MAN2C1: variants seen among roughly 807,000 people sequenced by gnomAD.
MAN2C1 encodes the protein alpha-mannosidase 2C1.
Under a neutral mutation model 126.9 loss-of-function variants are expected in MAN2C1, and 111 were observed. That is an observed-to-expected ratio of 0.87 (90% confidence interval 0.75 to 1.02). The LOEUF (loss-of-function observed/expected upper bound fraction) is 1.02. Among genes scored for constraint, MAN2C1 ranks in the 50% least tolerant of loss-of-function variants. The probability of loss-of-function intolerance (pLI) is 0.00; values close to 1 mark genes in which losing one functional copy is unlikely to be tolerated. For missense variants in MAN2C1, 1,363 were observed against 1,364.4 expected (o/e 1.00, Z 0.02); for synonymous variants, 567 against 561.5 (o/e 1.01, Z -0.14).
In MAN2C1 at chr15:75,359,330, C is replaced by T. The variant is rs1181570432; in HGVS notation, c.2044G>A (p.Glu682Lys). ...CCCCCAGGGCATGCAGGACTCACCT[C>T]TTGCACTACGAACACAGGCTGCTGG... ...LPQQPVFVVQ[E>K]TDGSVTLDNG... is the part of the protein sequence containing the mutation. The change falls in exon 17 of 26, where the codon GAG (glutamate) becomes AAG (lysine). Residue 682 changes from glutamate (E) to lysine (K), a missense_variant and splice_region_variant. By Grantham distance (56) the Glu-to-Lys change is moderately conservative. Around this residue, in one of 3 missense-constraint regions of MAN2C1, gnomAD observed 668 missense variants for 650.1 expected, o/e 1.03. Coordinates refer to ENST00000267978, the MANE Select transcript of MAN2C1 (RefSeq NM_006715.4). 1 of 1,590,966 alleles carries T rather than the reference C, an allele frequency of 6.3e-7. No homozygotes were observed. Among genetic ancestry groups the T allele is most frequent in the Admixed American group, 1.7e-5 (1 of 58,124 alleles).
At position 75,359,614 on chromosome 15, in the gene MAN2C1, T is replaced by C. The variant is rs778268325; in HGVS notation, c.1948+6A>G. On this transcript the variant is annotated splice_donor_region_variant and intron_variant, in intron 16 of 25. Transcript: ENST00000267978. ...TGCAGTAGCAACCCTTCCCCTCAGCTCGTACCTAGGCTGTGGGCCCCGCCC... is the reference window on the plus strand; with the variant it reads ...TGCAGTAGCAACCCTTCCCCTCAGCCCGTACCTAGGCTGTGGGCCCCGCCC... 1 of 1,613,638 alleles carries C rather than the reference T, an allele frequency of 6.2e-7. No individual in the cohort carries two copies. Among genetic ancestry groups the C allele is most frequent in the Non-Finnish European group, 8.5e-7 (1 of 1,179,856 alleles).
intron 6 of MAN2C1, chr15:75,363,045 G>C (rs141534407): frequency 4.8e-6 from 2 of 418,894 alleles, no homozygotes; most frequent in South Asian, 2.0e-5. Flanking sequence ...GATCCTACGA[G>C]AAGTAGCAGG....
intron 6 of MAN2C1, chr15:75,363,144 T>C: frequency 2.2e-6 from 1 of 457,002 alleles, no homozygotes; most frequent in Non-Finnish European, 4.4e-6. Flanking sequence ...CCAGAGGTGC[T>C]ACAGCCTCTC....
In MAN2C1 at chr15:75,362,320, TGAG is replaced by T. The variant is rs770097220; in HGVS notation, c.1008+20_1008+22del. On this transcript the variant is annotated intron_variant, in intron 8 of 25. Transcript: ENST00000267978. The surrounding 1 kb of genome is among the most constrained non-coding windows in gnomAD (Gnocchi z 4.5). The stretch of plus-strand genomic sequence containing the variant: ...AGGCTGTTGTCATACAGTTCAAGGC[TGAG>T]GAGTGCCCAGTGCACTTACCATCTC... The T allele has an allele frequency of 2.5e-6, 4 of 1,602,478 alleles. No homozygotes were observed. In the African/African-American group the frequency reaches 4.0e-5, roughly 16 times the overall value.
chr15:75,359,041 G>A lies in MAN2C1; in HGVS notation c.2141+18C>T, dbSNP rs771227064. 2 of 1,613,266 alleles carry A rather than the reference G, an allele frequency of 1.2e-6. No homozygotes were observed. Among genetic ancestry groups the A allele is most frequent in the East Asian group, 4.5e-5 (2 of 44,868 alleles). ...TCTACTTGCCAGGCACTGGGAAAGG[G>A]CAATGAGGATTTGGCACCTGCCAGA... On this transcript the variant is annotated intron_variant, in intron 18 of 25. Coordinates refer to ENST00000267978, the MANE Select transcript of MAN2C1 (RefSeq NM_006715.4).
intron 21 of MAN2C1, 146 bp from the exon 22 acceptor site, chr15:75,357,048 C>T (rs1567271163): frequency 1.6e-6 from 1 of 630,332 alleles, no homozygotes; most frequent in Non-Finnish European, 2.8e-6. Flanking sequence ...CCTGGGCATG[C>T]CACCCAACCT....
rs778072264 is a variant in MAN2C1, at chr15:75,361,080, G to C, written c.1426C>G (p.Leu476Val). Residue 476 changes from leucine (L) to valine (V), a missense_variant, in exon 12 of 26, where the codon CTG becomes GTG. Coordinates refer to ENST00000267978, the MANE Select transcript of MAN2C1 (RefSeq NM_006715.4). The surrounding 1 kb of genome is among the most constrained non-coding windows in gnomAD (Gnocchi z 5.0). ...CCATCCGTATTGCTCAGGCGCTTCA[G>C]GCGGTCCAGCATGGTCTGGGTGGGG... ...GGPTQTMLDR[L>V]KRLSNTDGLP... 7.4e-6 allele frequency: 12 copies of C among 1,611,990 alleles called. No homozygotes were observed. In the Admixed American group the frequency reaches 2.0e-4, roughly 27 times the overall value.
chr15:75,358,052 G>A, intron 21 of MAN2C1, 149 bp downstream of exon 21: 2 of 990,876 alleles, frequency 2.0e-6, no homozygotes, highest in Non-Finnish European at 3.0e-6. Flanking sequence ...ACTGTGCCTT[G>A]CCAATGTAAA....
At position 75,361,373 on chromosome 15, in the gene MAN2C1, TGTATGGTGCTA is replaced by T. The variant is rs1426921979; in HGVS notation, c.1219-3_1226del. 3 of 1,562,494 alleles carry T rather than the reference TGTATGGTGCTA, an allele frequency of 1.9e-6. No individual in the cohort carries two copies. Among genetic ancestry groups the T allele is most frequent in the Non-Finnish European group, 1.7e-6 (2 of 1,152,590 alleles). ...AGCCATCCAGGCCCTCCCAGAAAAA[TGTATGGTGCTA>T]CCAGCAGGGAAACAGAAGCAGGGCA... On this transcript the variant is annotated splice_acceptor_variant and splice_polypyrimidine_tract_variant and coding_sequence_variant and intron_variant, in exon 11 of 26. Transcript: ENST00000267978. LOFTEE classifies it high-confidence loss of function. The surrounding 1 kb of genome is among the most constrained non-coding windows in gnomAD (Gnocchi z 5.0).
chr15:75,357,958 T>C (rs2072370778), intron 21 of MAN2C1: 1 of 470,826 alleles, frequency 2.1e-6, no homozygotes, highest in African/African-American at 2.0e-5. Flanking sequence ...TTTCACCATG[T>C]TGGCCAGGCT....
At chr15:75,364,718 G>A in intron 4 of MAN2C1, 53 bp from the exon 5 acceptor site, 1 of 1,484,146 alleles carries the variant, frequency 6.7e-7, no homozygotes, top group East Asian at 2.5e-5. Flanking sequence ...AGTACTCCGG[G>A]GACTTGGGGA....
At chr15:75,358,056 A>G (rs2072373342) in intron 21 of MAN2C1, 145 bp downstream of exon 21, 4 of 1,034,178 alleles carry the variant, frequency 3.9e-6, no homozygotes, top group East Asian at 2.6e-5. Flanking sequence ...TGCCTTGCCA[A>G]TGTAAAGCAT....
At chr15:75,366,386 A>G (rs1236469049) in intron 4 of MAN2C1, 136 bp downstream of exon 4, 2 of 727,412 alleles carry the variant, frequency 2.7e-6, no homozygotes, top group African/African-American at 3.6e-5. Flanking sequence ...ATGCTTTTAA[A>G]AGCAAACAAT....
chr15:75,362,699 C>G lies in MAN2C1; in HGVS notation c.840G>C (p.Trp280Cys), dbSNP rs368756650. 2.5e-6 allele frequency: 4 copies of G among 1,614,124 alleles called. No homozygotes were observed. Among genetic ancestry groups the G allele is most frequent in the Non-Finnish European group, 2.5e-6 (3 of 1,180,016 alleles). Reference protein sequence around the residue: ...KETVRKCARSWVTALQLMERN... With the variant: ...KETVRKCARSCVTALQLMERN... ...GCTCCATGAGCTGCAGGGCGGTCAC[C>G]CAGCTCCGGGCACATTTCCTCACAG... The change falls in exon 7 of 26, where the codon TGG becomes TGC. Residue 280 changes from tryptophan (W) to cysteine (C), a missense_variant. Physicochemically the swap from Trp to Cys is radical, Grantham distance 215. Transcript: ENST00000267978. The surrounding 1 kb of genome is among the most constrained non-coding windows in gnomAD (Gnocchi z 4.5).
intron 12 of MAN2C1, 173 bp downstream of exon 12, chr15:75,360,873 A>G (rs1319727180): frequency 5.9e-5 from 68 of 1,152,568 alleles, no homozygotes; most frequent in Non-Finnish European, 7.7e-5. Context: ...AGCCCTTACC[A>G]GCTTCAGCTT....
chr15:75,364,073 G>C lies in MAN2C1; in HGVS notation c.716C>G (p.Ser239Cys). 1 of 1,614,184 alleles carries C rather than the reference G, an allele frequency of 6.2e-7. No homozygotes were observed. Among genetic ancestry groups the C allele is most frequent in the Non-Finnish European group, 8.5e-7 (1 of 1,180,020 alleles). Reference protein sequence around the residue: ...ETFPVAQALASRFFGQHGGES... With the variant: ...ETFPVAQALACRFFGQHGGES... Reference sequence around the variant, plus strand: ...ACCCCCATGTTGGCCAAAGAACCTGGAGGCCAGGGCCTGGGCCACTGGGAA... The same window carrying C: ...ACCCCCATGTTGGCCAAAGAACCTGCAGGCCAGGGCCTGGGCCACTGGGAA... The change falls in exon 6 of 26, where the codon TCC becomes TGC. Residue 239 changes from serine (S) to cysteine (C), a missense_variant. By Grantham distance (112) the Ser-to-Cys change is moderately radical. This residue lies in a region of MAN2C1 where 628 missense variants were observed against 609.8 expected (regional missense o/e 1.03). Coordinates refer to ENST00000267978, the MANE Select transcript of MAN2C1 (RefSeq NM_006715.4).
In MAN2C1 at chr15:75,356,857, G is replaced by A. The variant is rs958925878; in HGVS notation, c.2593C>T (p.Leu865=). ...WMDLSEHGFG[L]ALLNDCKYGA... ...TACTTGCAGTCGTTGAGCAGGGCCA[G>A]CCCAAAGCCGTGTTCTGACAGATCC... The change falls in exon 22 of 26, where the codon CTG becomes TTG. Residue 865 remains leucine, a synonymous_variant. Coordinates refer to ENST00000267978, the MANE Select transcript of MAN2C1 (RefSeq NM_006715.4). This position sits in a 1 kb window ranked among gnomAD's most constrained non-coding sequence, Gnocchi z 5.8. 3.7e-6 allele frequency: 6 copies of A among 1,614,032 alleles called. No individual in the cohort carries two copies. Among genetic ancestry groups the A allele is most frequent in the Non-Finnish European group, 3.4e-6 (4 of 1,180,058 alleles).
In MAN2C1 at chr15:75,355,866, C is replaced by A. The variant is rs200547980; in HGVS notation, c.*40G>T. On this transcript the variant is annotated 3_prime_UTR_variant, in exon 26 of 26. Transcript: ENST00000267978. Reference sequence around the variant, plus strand: ...GGCTGGGGAAGCAGAAATTAGGAGTCCCCAGAGCCTTCTACAAACAAAACC... The same window carrying A: ...GGCTGGGGAAGCAGAAATTAGGAGTACCCAGAGCCTTCTACAAACAAAACC... 9.3e-6 allele frequency: 15 copies of A among 1,612,318 alleles called. No individual in the cohort carries two copies. Among genetic ancestry groups the A allele is most frequent in the Non-Finnish European group, 1.3e-5 (15 of 1,179,240 alleles).
At position 75,359,995 on chromosome 15, in the gene MAN2C1, G is replaced by C. The variant is rs901399375; in HGVS notation, c.1707-7C>G. On this transcript the variant is annotated splice_polypyrimidine_tract_variant and splice_region_variant and intron_variant, in intron 14 of 25. Transcript: ENST00000267978. ...CTGGTTCAGAAGAAGGAGCCTGCAG[G>C]GGCCAAGGGCAGGGATGGGAAGGCT... The C allele has an allele frequency of 6.2e-7, 1 of 1,613,996 alleles. No individual in the cohort carries two copies. Among genetic ancestry groups the C allele is most frequent in the African/African-American group, 1.3e-5 (1 of 74,938 alleles).
Sources: gnomAD v4.1 joint callset for allele counts on GRCh38, gnomAD v4.1.1 for gene constraint, gnomAD v4.1.1 regional missense constraint, Gnocchi (gnomAD v3.1) non-coding constraint, MANE v1.5 for transcripts, NCBI Gene and HGNC (gene_info 2026-07-23, HGNC 2026-07-21) for gene names.